The following PCDHGA10 variants were observed in gnomAD, a reference collection of about 807,000 sequenced individuals.
PCDHGA10 encodes protocadherin gamma subfamily A, 10.
A neutral mutation model predicts 59.5 loss-of-function variants in PCDHGA10; 42 were observed. That is an observed-to-expected ratio of 0.71 (90% CI 0.55 to 0.91). The LOEUF is 0.91. Among genes scored for constraint, PCDHGA10 ranks in the 40% least tolerant of loss-of-function variants. PCDHGA10 has a pLI of 0.00. For synonymous variants in PCDHGA10, 511 were observed against 517.2 expected (o/e 0.99, Z 0.16); for missense variants, 1,111 against 1,198.2 (o/e 0.93, Z 1.07).
chr5:141,510,898 T>G (rs1393880610), intron 3 of PCDHGA10, 49 bp from the exon 4 acceptor site: 1 of 1,613,278 alleles, frequency 6.2e-7, no homozygotes, highest in East Asian at 2.2e-5. Context: ...ACAGTGACTG[T>G]TGAGGACCCT....
rs376819906 is a variant in PCDHGA10 at position 141,418,227 on chromosome 5, T to C, written c.2436+2616T>C. On this transcript the variant is annotated intron_variant, in intron 1 of 3. Transcript: ENST00000398610. ...AATATTTTTCATGTCATTGTGGTGA[T>C]TGAGGATGTTAATGACCACGCCCCT... The C allele has an allele frequency of 6.8e-6, 11 of 1,613,856 alleles. No homozygotes were observed. In the South Asian group the frequency reaches 7.7e-5, roughly 11 times the overall value.
chr5:141,423,440 C>T lies in PCDHGA10; in HGVS notation c.2436+7829C>T, dbSNP rs768389351. 27 of 1,613,852 alleles carry T rather than the reference C, an allele frequency of 1.7e-5. No individual in the cohort carries two copies. In the East Asian group the frequency reaches 4.5e-4, roughly 27 times the overall value. ...GAAGGCGGGTTGGCAGGTATGCCCACGTCACATTTTGTAGGCGTGGACGGG... is the reference window on the plus strand; with the variant it reads ...GAAGGCGGGTTGGCAGGTATGCCCATGTCACATTTTGTAGGCGTGGACGGG... On this transcript the variant is annotated intron_variant, in intron 1 of 3. Coordinates refer to ENST00000398610, the MANE Select transcript of PCDHGA10 (RefSeq NM_018913.3).
At chr5:141,447,244 A>G (rs1475037979) in intron 1 of PCDHGA10, among the ~76,000 whole-genome samples, 1 of 152,062 alleles carries the variant, frequency 6.6e-6, no homozygotes, top group South Asian at 2.1e-4. Flanking sequence ...GGTTCAAGTG[A>G]TTCTTCTGTC....
chr5:141,491,143 C>A lies in PCDHGA10; in HGVS notation c.2437-3664C>A. 1.2e-6 allele frequency: 2 copies of A among 1,614,142 alleles called. No homozygotes were observed. Among genetic ancestry groups the A allele is most frequent in the South Asian group, 1.1e-5 (1 of 91,082 alleles). On this transcript the variant is annotated intron_variant, in intron 1 of 3. Transcript: ENST00000398610. This position sits in a 1 kb window ranked among gnomAD's most constrained non-coding sequence, Gnocchi z 6.9. ...TGAGGTGCGCACAGCCCGGGCCTTA[C>A]TGGAGGATGACTCTGACACCCAGCA... is the stretch of plus-strand genomic sequence containing the variant.
At chr5:141,507,797 C>T (rs933921827) in intron 3 of PCDHGA10, among the ~76,000 whole-genome samples, 3 of 152,240 alleles carry the variant, frequency 2.0e-5, no homozygotes, top group Non-Finnish European at 2.9e-5. Flanking sequence ...TCTAAGCCTG[C>T]GCCCTGGGGA....
chr5:141,477,747 C>A lies in PCDHGA10; in HGVS notation c.2437-17060C>A. ...ACAGCTCATATCAGCGATGGGGGCA[C>A]CCCGGTCCTAGCCACCAACATCAGC... On this transcript the variant is annotated intron_variant, in intron 1 of 3. Coordinates refer to ENST00000398610, the MANE Select transcript of PCDHGA10 (RefSeq NM_018913.3). The surrounding 1 kb of genome is among the most constrained non-coding windows in gnomAD (Gnocchi z 4.9). 1.9e-6 allele frequency: 3 copies of A among 1,613,840 alleles called. No individual in the cohort carries two copies. The highest frequency in any genetic ancestry group is 2.5e-6 in the Non-Finnish European group (3 of 1,180,044).
intron 3 of PCDHGA10, among the ~76,000 whole-genome samples, chr5:141,507,673 G>A (rs184362608): frequency 6.6e-5 from 10 of 152,368 alleles, no homozygotes; most frequent in Admixed American, 2.6e-4. Context: ...AAATCCAGAT[G>A]TTAAAAACAG....
intron 1 of PCDHGA10, chr5:141,468,330 C>CAAAAAAAAAAAAAAAAGAAAAAAAAAAA (rs2099163578): frequency 1.3e-5 from 1 of 79,888 alleles, no homozygotes; most frequent in African/African-American, 3.9e-5. Flanking sequence ...AACTCCATCT[C>CAAAAAAAAAAAAAAAAGAAAAAAAAAAA]AAAAAAAAAA....
At chr5:141,492,244 C>T (rs1334647731) in intron 1 of PCDHGA10, among the ~76,000 whole-genome samples, 1 of 152,198 alleles carries the variant, frequency 6.6e-6, no homozygotes, top group Admixed American at 6.5e-5. Flanking sequence ...TGGCCACCCC[C>T]ACGGCCCACA....
chr5:141,417,965 T>C lies in PCDHGA10; in HGVS notation c.2436+2354T>C. On this transcript the variant is annotated intron_variant, in intron 1 of 3. Coordinates refer to ENST00000398610, the MANE Select transcript of PCDHGA10 (RefSeq NM_018913.3). ...CACGCTGTGTGAGCCGATCCGCTAC[T>C]CGATTCCGGAGGAGCTGGCCAAGGG... 3 of 1,613,654 alleles carry C rather than the reference T, an allele frequency of 1.9e-6. No homozygotes were observed. In the South Asian group the frequency reaches 3.3e-5, roughly 18 times the overall value.
chr5:141,433,993 T>C (rs1367687577), intron 1 of PCDHGA10, among the ~76,000 whole-genome samples: 1 of 152,216 alleles, frequency 6.6e-6, no homozygotes, highest in Admixed American at 6.5e-5. Flanking sequence ...GAGTTTTATA[T>C]TCTCTATATA....
At chr5:141,480,738 T>C (rs2099524955) in intron 1 of PCDHGA10, among the ~76,000 whole-genome samples, 1 of 152,124 alleles carries the variant, frequency 6.6e-6, no homozygotes, top group Admixed American at 6.5e-5. Flanking sequence ...GGGTGGGACA[T>C]AGGCATCATT....
intron 1 of PCDHGA10, chr5:141,427,894 C>T (rs974220302): frequency 1.3e-6 from 2 of 1,568,222 alleles, no homozygotes; most frequent in East Asian, 2.2e-5. Flanking sequence ...GACCAGGGCT[C>T]GCCCGCGCTC....
chr5:141,490,249 C>T lies in PCDHGA10; in HGVS notation c.2437-4558C>T, dbSNP rs2099697737. On this transcript the variant is annotated intron_variant, in intron 1 of 3. Coordinates refer to ENST00000398610, the MANE Select transcript of PCDHGA10 (RefSeq NM_018913.3). The surrounding 1 kb of genome is among the most constrained non-coding windows in gnomAD (Gnocchi z 5.4). ...TGCCATGGAGGGCCACTGTGTGATT[C>T]AAGTGGATGTGGGGGATGTCAATGA... The T allele has an allele frequency of 1.2e-6, 2 of 1,614,218 alleles. No individual in the cohort carries two copies. The highest frequency in any genetic ancestry group is 1.7e-6 in the Non-Finnish European group (2 of 1,180,044).
At position 141,477,626 on chromosome 5, in the gene PCDHGA10, G is replaced by A. The variant is rs201987467; in HGVS notation, c.2437-17181G>A. The A allele has an allele frequency of 1.9e-5, 31 of 1,614,052 alleles. No individual in the cohort carries two copies. The highest frequency in any genetic ancestry group is 2.5e-5 in the Non-Finnish European group (30 of 1,180,044). Reference sequence around the variant, plus strand: ...TCTCTTGGAGCAAGGAGCTGAAACCGGGCTAGTGGGTCGCTATTTCACAAT... The same window carrying A: ...TCTCTTGGAGCAAGGAGCTGAAACCAGGCTAGTGGGTCGCTATTTCACAAT... On this transcript the variant is annotated intron_variant, in intron 1 of 3. Transcript: ENST00000398610. This position sits in a 1 kb window ranked among gnomAD's most constrained non-coding sequence, Gnocchi z 4.9.
At chr5:141,419,694 G>A in intron 1 of PCDHGA10, 1 of 1,612,974 alleles carries the variant, frequency 6.2e-7, no homozygotes, top group Non-Finnish European at 8.5e-7. Context: ...GTGCAGGCCA[G>A]TGAGCCCGGG....
rs1330713312 is a variant in PCDHGA10 at position 141,414,559 on chromosome 5, T to G, written c.1384T>G (p.Phe462Val). The stretch of plus-strand genomic sequence containing the variant: ...ACCTACCTTCTCTCAAGTCTCCTAC[T>G]TTACCTATATCCCAGAGAACAACGC... ...NPPTFSQVSY[F>V]TYIPENNARG... The change falls in exon 1 of 4, where the codon TTT becomes GTT. Residue 462 changes from phenylalanine to valine, a missense_variant. Coordinates refer to ENST00000398610, the MANE Select transcript of PCDHGA10 (RefSeq NM_018913.3). 5.0e-6 allele frequency: 8 copies of G among 1,613,782 alleles called. No homozygotes were observed. The Admixed American group carries it at 1.0e-4, about 20-fold the overall frequency.
chr5:141,510,944 C>T lies in PCDHGA10; in HGVS notation c.2585-3C>T, dbSNP rs772921698. 2 of 1,614,120 alleles carry T rather than the reference C, an allele frequency of 1.2e-6. No individual in the cohort carries two copies. Among genetic ancestry groups the T allele is most frequent in the South Asian group, 2.2e-5 (2 of 91,080 alleles). On this transcript the variant is annotated splice_region_variant and splice_polypyrimidine_tract_variant and intron_variant, in intron 3 of 3. Transcript: ENST00000398610. Reference sequence around the variant, plus strand: ...CCCACCTGATCTTCCTCTGTCTCTGCAGAAGCTGCTGATGGGAGCTCCACC... The same window carrying T: ...CCCACCTGATCTTCCTCTGTCTCTGTAGAAGCTGCTGATGGGAGCTCCACC...
At chr5:141,421,225 G>A in intron 1 of PCDHGA10, 1 of 1,584,302 alleles carries the variant, frequency 6.3e-7, no homozygotes. Flanking sequence ...CTTAGAGCCT[G>A]CCATGGCGAA....
Sources: allele counts gnomAD v4.1 joint callset (sites outside exome capture counted in the v4.1 genomes callset), GRCh38; gene constraint gnomAD v4.1.1; non-coding constraint Gnocchi (gnomAD v3.1); transcripts MANE v1.5; gene names NCBI Gene and HGNC (gene_info 2026-07-23, HGNC 2026-07-21).